Variants in GNG7 observed in about 807,000 individuals in gnomAD.
GNG7 encodes the protein G protein subunit gamma 7.
A neutral mutation model predicts 4.0 loss-of-function variants in GNG7; 1 was observed. The ratio of observed to expected loss-of-function variants is 0.25; its 90% CI spans 0.09 to 1.18. The LOEUF (loss-of-function observed/expected upper bound fraction) is 1.18, where lower values mean the gene tolerates loss of function less well. Among genes scored for constraint, GNG7 ranks in the 50% most tolerant of loss-of-function variants. The pLI, the probability that GNG7 is intolerant of heterozygous loss-of-function variation, is 0.50. For synonymous variants in GNG7, 34 were observed against 36.9 expected, an observed-to-expected ratio of 0.92 and a Z score of 0.29; for missense variants, 86 against 91.9, an observed-to-expected ratio of 0.94 and a Z score of 0.26.
chr19:2,620,493 A>C (rs1981840490), intron 2 of GNG7, among the ~76,000 whole-genome samples: 1 of 152,100 alleles, frequency 6.6e-6, no homozygotes, highest in Non-Finnish European at 1.5e-5. Flanking sequence ...AAACCTCAGA[A>C]CCGTTTCCTA....
intron 2 of GNG7, chr19:2,610,824 C>A (rs8104096): frequency 1.3e-5 from 2 of 151,480 alleles, no homozygotes; most frequent in African/African-American, 2.4e-5. Context: ...TGAACCAAAG[C>A]GGCCTCAGGG....
chr19:2,685,719 C>T (rs955323438), intron 1 of GNG7, among the ~76,000 whole-genome samples: 1 of 152,140 alleles, frequency 6.6e-6, no homozygotes, highest in South Asian at 2.1e-4. Flanking sequence ...CACGAGGCCC[C>T]GTCCACTGTG....
rs956791164 is a variant in GNG7, at chr19:2,634,166, G to A, written c.-78+12058C>T. ...ACTGGGCGTTTATGGTGCCTATCATGAGCAGGAAAATAACTCGAATTTTTT... is the reference window on the plus strand; with the variant it reads ...ACTGGGCGTTTATGGTGCCTATCATAAGCAGGAAAATAACTCGAATTTTTT... On this transcript the variant is annotated intron_variant, in intron 2 of 4. Transcript: ENST00000382159. This position sits in a 1 kb window ranked among gnomAD's most constrained non-coding sequence, Gnocchi z 5.3. Among the ~76,000 whole-genome samples, 1 of 152,142 alleles carries A rather than the reference G, an allele frequency of 6.6e-6. No individual in the cohort carries two copies. Among genetic ancestry groups the A allele is most frequent in the African/African-American group, 2.4e-5 (1 of 41,444 alleles).
At position 2,647,657 on chromosome 19, in the gene GNG7, G is replaced by T. The variant is rs76982531; in HGVS notation, c.-134-1377C>A. Among the ~76,000 whole-genome samples the T allele has an allele frequency of 5.5e-3, 843 of 152,276 alleles. 7 individuals are homozygous for T. The highest frequency in any genetic ancestry group is 0.02 in the African/African-American group (812 of 41,554). On this transcript the variant is annotated intron_variant, in intron 1 of 4. Coordinates refer to ENST00000382159, the MANE Select transcript of GNG7 (RefSeq NM_052847.3). ...CGCTTGATCCTGGGAGATCAAGGTT[G>T]CTGTGAGCTAGGATTGCACCACTGC...
intron 2 of GNG7, among the ~76,000 whole-genome samples, chr19:2,581,323 A>C (rs1324389709): frequency 9.5e-4 from 2 of 2,102 alleles, no homozygotes; most frequent in East Asian, 0.016. Context: ...TGGAGGGGTG[A>C]TGGGGGTGGG....
In GNG7 at chr19:2,609,714, G is replaced by C. The variant is rs568545203; in HGVS notation, c.-78+36510C>G. On this transcript the variant is annotated intron_variant, in intron 2 of 4. Transcript: ENST00000382159. This position sits in a 1 kb window ranked among gnomAD's most constrained non-coding sequence, Gnocchi z 4.4. ...AGCCCTCCTCCAGTCTGTGGCTTGA[G>C]GTTACAGAGCCCCAGCAAACCATCA... Among the ~76,000 whole-genome samples, 1 of 152,224 alleles carries C rather than the reference G, an allele frequency of 6.6e-6. No homozygotes were observed. The highest frequency in any genetic ancestry group is 1.5e-5 in the Non-Finnish European group (1 of 68,012).
rs896095186 is a variant in GNG7 at position 2,650,146 on chromosome 19, G to A, written c.-134-3866C>T. Reference sequence around the variant, plus strand: ...GGCTCGTTCCTTCTTGTTGGCAATTGTGAATCTGCTGCTGTGAATATTCGT... The same window carrying A: ...GGCTCGTTCCTTCTTGTTGGCAATTATGAATCTGCTGCTGTGAATATTCGT... On this transcript the variant is annotated intron_variant, in intron 1 of 4. Transcript: ENST00000382159. 2.7e-5 allele frequency among the ~76,000 whole-genome samples: 4 copies of A among 150,192 alleles called. No homozygotes were observed. In the South Asian group the frequency reaches 6.3e-4, roughly 24 times the overall value.
intron 1 of GNG7, among the ~76,000 whole-genome samples, chr19:2,671,528 G>A (rs1468107830): frequency 1.3e-5 from 2 of 152,098 alleles, no homozygotes; most frequent in Non-Finnish European, 2.9e-5. Context: ...AGCCAGGCAG[G>A]GGAACGTTCG....
At chr19:2,567,331 T>TTGTGTGTGTGTGTGTGTATG (rs1979950525) in intron 2 of GNG7, among the ~76,000 whole-genome samples, 2 of 137,252 alleles carry the variant, frequency 1.5e-5, no homozygotes, top group African/African-American at 6.0e-5. Context: ...TGTCGTCGAT[T>TTGTGTGTGTGTGTGTGTATG]TGTGTGTGTG....
At chr19:2,670,522 A>G (rs1983425171) in intron 1 of GNG7, among the ~76,000 whole-genome samples, 1 of 152,202 alleles carries the variant, frequency 6.6e-6, no homozygotes, top group Non-Finnish European at 1.5e-5. Flanking sequence ...ACTGCGTCCC[A>G]TGTGGCTTGT....
chr19:2,560,003 C>T (rs371811949), intron 2 of GNG7, among the ~76,000 whole-genome samples: 35 of 152,164 alleles, frequency 2.3e-4, no homozygotes, highest in Middle Eastern at 3.4e-3. Flanking sequence ...AGCACAAAAA[C>T]GCAAACCCCG....
intron 1 of GNG7, among the ~76,000 whole-genome samples, chr19:2,672,828 A>T (rs1310103591): frequency 3.9e-5 from 6 of 152,200 alleles, no homozygotes; most frequent in Non-Finnish European, 1.5e-5. Context: ...ACCAATGTCA[A>T]CACCACCAGT....
intron 4 of GNG7, chr19:2,516,941 C>A (rs977355396): frequency 1.3e-5 from 2 of 152,294 alleles, no homozygotes; most frequent in Non-Finnish European, 2.9e-5. Context: ...GCTTAGCTCA[C>A]CCCAGCAGGG....
intron 1 of GNG7, among the ~76,000 whole-genome samples, chr19:2,660,089 T>C (rs1468760684): frequency 6.6e-6 from 1 of 152,070 alleles, no homozygotes; most frequent in Non-Finnish European, 1.5e-5. Flanking sequence ...ATGGAATCCG[T>C]CCCAATTAGC....
chr19:2,602,607 C>G (rs1054831716), intron 2 of GNG7, among the ~76,000 whole-genome samples: 1 of 152,276 alleles, frequency 6.6e-6, no homozygotes, highest in Non-Finnish European at 1.5e-5. Context: ...CCAACCGGGC[C>G]CCGGAGCACG....
At chr19:2,525,316 T>C (rs6510678) in intron 3 of GNG7, among the ~76,000 whole-genome samples, 66,339 of 151,948 alleles carry the variant, frequency 0.44, 15,137 homozygotes, top group African/African-American at 0.58. Context: ...GTGCACAGGC[T>C]CCTGCAGGCA....
chr19:2,688,623 C>T (rs917228486), intron 1 of GNG7, among the ~76,000 whole-genome samples: 7 of 152,112 alleles, frequency 4.6e-5, no homozygotes, highest in African/African-American at 1.7e-4. Context: ...CGAGAGGTAA[C>T]GAACATCTAA....
intron 4 of GNG7, among the ~76,000 whole-genome samples, chr19:2,517,392 T>A (rs1209936047): frequency 2.0e-5 from 3 of 151,920 alleles, no homozygotes; most frequent in African/African-American, 7.3e-5. Context: ...TGAGACAGAG[T>A]CTCACTCTGT....
intron 2 of GNG7, among the ~76,000 whole-genome samples, chr19:2,565,776 G>A (rs929750064): frequency 6.6e-6 from 1 of 152,170 alleles, no homozygotes; most frequent in African/African-American, 2.4e-5. Flanking sequence ...GTGTGAGCCC[G>A]GCCGAGTCCT....
Sources: allele counts gnomAD v4.1 joint callset (sites outside exome capture counted in the v4.1 genomes callset), GRCh38; gene constraint gnomAD v4.1.1; non-coding constraint Gnocchi (gnomAD v3.1); transcripts MANE v1.5; gene names NCBI Gene and HGNC (gene_info 2026-07-23, HGNC 2026-07-21).